KRT82: variants seen among roughly 807,000 people sequenced by gnomAD.
The protein encoded by KRT82 is keratin, type II cuticular Hb2.
Under a neutral mutation model 48.0 loss-of-function variants are expected in KRT82, and 44 were observed. The observed-to-expected ratio is 0.92, with a 90% CI of 0.72 to 1.18. The LOEUF (loss-of-function observed/expected upper bound fraction) is 1.18, where lower values mean the gene tolerates loss of function less well. Ranked by LOEUF, KRT82 falls within the 50% of genes most tolerant of loss-of-function variation. The pLI is 0.00. For synonymous variants in KRT82, 297 were observed against 278.3 expected (o/e 1.07, Z -0.67); for missense variants, 701 against 671.4 (o/e 1.04, Z -0.49).
chr12:52,397,651 A>G (rs1273388301), intron 5 of KRT82, among the ~76,000 whole-genome samples: 1 of 152,214 alleles, frequency 6.6e-6, no homozygotes, highest in Non-Finnish European at 1.5e-5. Context: ...AAAATGCAAA[A>G]TGAGAGATAA....
rs1939713328 is a variant in KRT82 at position 52,396,220 on chromosome 12, C to T, written c.1081G>A (p.Glu361Lys). ...TGCTCTGCCTCAGCTATGGCACCCT[C>T]AAGTTTGCAGCGCTGTGGGAGGGGC... ...ENVKAQRCKL[E>K]GAIAEAEQQG... is the part of the protein sequence containing the mutation. The change falls in exon 7 of 9, where the codon GAG (glutamate) becomes AAG (lysine). Residue 361 changes from glutamate (E) to lysine (K), a missense_variant. Glu to Lys is a moderately conservative substitution (Grantham distance 56). Transcript: ENST00000257974. 1 of 1,612,996 alleles carries T rather than the reference C, an allele frequency of 6.2e-7. No individual in the cohort carries two copies. Among genetic ancestry groups the T allele is most frequent in the Non-Finnish European group, 8.5e-7 (1 of 1,179,966 alleles).
At chr12:52,400,929 G>A (rs553353186) in intron 3 of KRT82, among the ~76,000 whole-genome samples, 49 of 152,326 alleles carry the variant, frequency 3.2e-4, no homozygotes, top group Middle Eastern at 3.4e-3. Context: ...CATCGCAATT[G>A]TATTTGGGGG....
At chr12:52,397,422 G>T (rs534467140) in intron 5 of KRT82, among the ~76,000 whole-genome samples, 27 of 152,298 alleles carry the variant, frequency 1.8e-4, no homozygotes, top group Non-Finnish European at 3.5e-4. Flanking sequence ...ATTAGGATGG[G>T]TCTGCCCATC....
chr12:52,395,183 G>T lies in KRT82; in HGVS notation c.1334C>A (p.Ser445Tyr), dbSNP rs1401884792. ...TGGCTCGTACAGGAAGGCGCCTTTG[G>T]AGCTGCTCACTGCTGTGGGAACAGG... ...IGPVNISVSS[S>Y]KGAFLYEPCG... Residue 445 changes from serine to tyrosine, a missense_variant, in exon 9 of 9, where the codon TCC (serine) becomes TAC (tyrosine). Ser to Tyr is a moderately radical substitution (Grantham distance 144). Transcript: ENST00000257974. The T allele has an allele frequency of 1.2e-6, 2 of 1,613,808 alleles. No individual in the cohort carries two copies. The highest frequency in any genetic ancestry group is 1.7e-6 in the Non-Finnish European group (2 of 1,179,934).
chr12:52,399,758 G>A lies in KRT82; in HGVS notation c.942+227C>T, dbSNP rs551420321. On this transcript the variant is annotated intron_variant, in intron 5 of 8. Coordinates refer to ENST00000257974, the MANE Select transcript of KRT82 (RefSeq NM_033033.4). ...GCCCTGGCACCCTGATGACAGGCCT[G>A]GATTGTCCGGGGCGGGGAGGGGTCC... Among the ~76,000 whole-genome samples, 69 of 152,346 alleles carry A rather than the reference G, an allele frequency of 4.5e-4. 1 individual carries two copies. Among genetic ancestry groups the A allele is most frequent in the Non-Finnish European group, 8.5e-4 (58 of 68,036 alleles).
chr12:52,398,295 T>G (rs1939740520), intron 5 of KRT82, among the ~76,000 whole-genome samples: 1 of 151,752 alleles, frequency 6.6e-6, no homozygotes, highest in Non-Finnish European at 1.5e-5. Context: ...GCATGTGAGA[T>G]TGGAGGTGCT....
At chr12:52,396,626 G>A (rs968599910) in intron 6 of KRT82, among the ~76,000 whole-genome samples, 6 of 152,178 alleles carry the variant, frequency 3.9e-5, no homozygotes, top group African/African-American at 7.2e-5. Flanking sequence ...CTTGCACCTA[G>A]TGAAGCATCC....
At chr12:52,399,658 T>C (rs1362801489) in intron 5 of KRT82, among the ~76,000 whole-genome samples, 1 of 152,192 alleles carries the variant, frequency 6.6e-6, no homozygotes, top group Non-Finnish European at 1.5e-5. Flanking sequence ...TACAGTTCAG[T>C]AAAACCAATT....
Position 52,395,754 on chromosome 12 carries a change from C to G in KRT82, c.1321+5G>C, listed in dbSNP as rs1939703543. Reference sequence around the variant, plus strand: ...GAGCCAGTGGGGCATGGCTCATCTACTTACAGATATTCACGGGCCCGATGC... The same window carrying G: ...GAGCCAGTGGGGCATGGCTCATCTAGTTACAGATATTCACGGGCCCGATGC... On this transcript the variant is annotated splice_donor_5th_base_variant and intron_variant, in intron 8 of 8. Transcript: ENST00000257974. 3.2e-6 allele frequency: 5 copies of G among 1,558,096 alleles called. No individual in the cohort carries two copies. The highest frequency in any genetic ancestry group is 4.3e-6 in the Non-Finnish European group (5 of 1,157,084).
At chr12:52,401,258 G>A in intron 3 of KRT82, 31 bp downstream of exon 3, 1 of 1,607,064 alleles carries the variant, frequency 6.2e-7, no homozygotes, top group South Asian at 1.1e-5. Flanking sequence ...GGCCAGCTCA[G>A]GGGCTCTGCC....
In KRT82 at chr12:52,403,715, C is replaced by A; in HGVS notation, c.606G>T (p.Glu202Asp). The A allele has an allele frequency of 6.2e-7, 1 of 1,608,198 alleles. No homozygotes were observed. The highest frequency in any genetic ancestry group is 8.5e-7 in the Non-Finnish European group (1 of 1,175,638). ...SELCSLQAAL[E>D]GYKKKYEEEL... Reference sequence around the variant, plus strand: ...CACTGACTCACTTTTTCTTGTAGCCCTCCAGTGCAGCCTGGAGGCTGCAGA... The same window carrying A: ...CACTGACTCACTTTTTCTTGTAGCCATCCAGTGCAGCCTGGAGGCTGCAGA... The change falls in exon 2 of 9, where the codon GAG becomes GAT. Residue 202 changes from glutamate to aspartate, a missense_variant. Physicochemically the swap from Glu to Asp is conservative, Grantham distance 45. Transcript: ENST00000257974.
At chr12:52,399,835 A>G in intron 5 of KRT82, 150 bp downstream of exon 5, 1 of 794,398 alleles carries the variant, frequency 1.3e-6, no homozygotes, top group South Asian at 1.8e-5. Flanking sequence ...AAACAACAGC[A>G]GCTGGGCTTT....
Position 52,403,865 on chromosome 12 carries a change from C to G in KRT82, c.456G>C (p.Trp152Cys). 1.2e-6 allele frequency: 2 copies of G among 1,614,018 alleles called. No homozygotes were observed. Among genetic ancestry groups the G allele is most frequent in the East Asian group, 2.2e-5 (1 of 44,880 alleles). ...AGCACCTCTGCTGCTGCATGAAGTT[C>G]CACTTGGTCTCCAGCAGCTTGTTCT... ...EQKNKLLETK[W>C]NFMQQQRCCQ... Residue 152 changes from tryptophan to cysteine, a missense_variant, in exon 2 of 9, where the codon TGG becomes TGC. Coordinates refer to ENST00000257974, the MANE Select transcript of KRT82 (RefSeq NM_033033.4).
intron 2 of KRT82, among the ~76,000 whole-genome samples, chr12:52,403,054 AC>A (rs1437647616): frequency 1.3e-5 from 2 of 152,140 alleles, no homozygotes; most frequent in Non-Finnish European, 2.9e-5. Flanking sequence ...GCACTTAATT[AC>A]CATATGCTTA....
rs944956119 is a variant in KRT82 at position 52,394,747 on chromosome 12, C to A, written c.*228G>T. 1 of 589,950 alleles carries A rather than the reference C, an allele frequency of 1.7e-6. No homozygotes were observed. Among genetic ancestry groups the A allele is most frequent in the Non-Finnish European group, 3.0e-6 (1 of 329,996 alleles). 36.5% of individuals were successfully genotyped at this position (589,950 alleles called of 1,614,324 possible). Reference sequence around the variant, plus strand: ...CTCTTTCTCTGCCGTCTGTCCCCACCATCTGGGCCTAGCTGAGGGTCTGCA... The same window carrying A: ...CTCTTTCTCTGCCGTCTGTCCCCACAATCTGGGCCTAGCTGAGGGTCTGCA... On this transcript the variant is annotated 3_prime_UTR_variant, in exon 9 of 9. Transcript: ENST00000257974.
chr12:52,400,784 C>A (rs1440111607), intron 3 of KRT82, among the ~76,000 whole-genome samples, 162 bp from the exon 4 acceptor site: 2 of 152,002 alleles, frequency 1.3e-5, no homozygotes, highest in African/African-American at 4.8e-5. Context: ...GCCCTGGGAC[C>A]CCAGGCCTGG....
chr12:52,406,266 G>A lies in KRT82; in HGVS notation c.12C>T (p.His4=), dbSNP rs769043047. MSY[H]SFQPGSRCGS... ...CACACCTGGAGCCTGGCTGGAAAGA[G>A]TGGTACGACATGGCAGGAGAGAGAG... Residue 4 remains histidine (H), a synonymous_variant, in exon 1 of 9, where the codon CAC becomes CAT. Coordinates refer to ENST00000257974, the MANE Select transcript of KRT82 (RefSeq NM_033033.4). The A allele has an allele frequency of 3.1e-6, 5 of 1,597,248 alleles. No individual in the cohort carries two copies. In the East Asian group the frequency reaches 6.7e-5, roughly 22 times the overall value.
In KRT82 at chr12:52,395,214, G is replaced by A; in HGVS notation, c.1322-19C>T. On this transcript the variant is annotated intron_variant, in intron 8 of 8. Transcript: ENST00000257974. ...CTCACTGCTGTGGGAACAGGAAGGG[G>A]TGCTCAGGGCCCCACACGGTGTGGC... The A allele has an allele frequency of 6.2e-7, 1 of 1,606,778 alleles. No homozygotes were observed.
rs569709146 is a variant in KRT82, at chr12:52,395,548, TGG to T, written c.1321+209_1321+210del. On this transcript the variant is annotated intron_variant, in intron 8 of 8. Coordinates refer to ENST00000257974, the MANE Select transcript of KRT82 (RefSeq NM_033033.4). ...TGTGGCTTCTGGGCCCTGAAGCACTTGGACCATGTTGTTGCAAATCTGCTCCT... is the reference window on the plus strand; with the variant it reads ...TGTGGCTTCTGGGCCCTGAAGCACTTACCATGTTGTTGCAAATCTGCTCCT... Among the ~76,000 whole-genome samples, 291 of 152,304 alleles carry T rather than the reference TGG, an allele frequency of 1.9e-3. 2 individuals carry two copies. Among genetic ancestry groups the T allele is most frequent in the Non-Finnish European group, 2.4e-3 (162 of 68,022 alleles).
Sources: allele counts gnomAD v4.1 joint callset (sites outside exome capture counted in the v4.1 genomes callset), GRCh38; gene constraint gnomAD v4.1.1; transcripts MANE v1.5; gene names NCBI Gene and HGNC (gene_info 2026-07-23, HGNC 2026-07-21).